PTPN4: variants seen among roughly 807,000 people sequenced by gnomAD.
PTPN4 encodes protein tyrosine phosphatase non-receptor type 4, also known as tyrosine-protein phosphatase non-receptor type 4.
Under a neutral mutation model 135.5 loss-of-function variants are expected in PTPN4, and 49 were observed. The observed-to-expected ratio is 0.36, with a 90% CI of 0.29 to 0.46. The LOEUF (loss-of-function observed/expected upper bound fraction) is 0.46, where lower values mean the gene tolerates loss of function less well. Ranked by LOEUF, PTPN4 falls within the 20% of genes least tolerant of loss-of-function variation. PTPN4 has a pLI of 1.00. For missense variants in PTPN4, 860 were observed against 1,101.0 expected (o/e 0.78, Z 3.10); for synonymous variants, 333 against 369.9 (o/e 0.90, Z 1.14).
intron 9 of PTPN4, among the ~76,000 whole-genome samples, chr2:119,895,612 G>C (rs769280874): frequency 1.2e-4 from 18 of 151,526 alleles, no homozygotes; most frequent in Middle Eastern, 3.4e-3. Context: ...GGACAAGAGC[G>C]AGACTCCATC....
rs537528513 is a variant in PTPN4, at chr2:119,934,915, C to T, written c.1312C>T (p.Pro438Ser). 6.2e-6 allele frequency: 10 copies of T among 1,613,892 alleles called. No individual in the cohort carries two copies. In the South Asian group the frequency reaches 9.9e-5, roughly 16 times the overall value. ...PSEVFVNQRSPSSTQANSIVL... is the reference protein window; with the variant it reads ...PSEVFVNQRSSSSTQANSIVL... ...CGAAGTGTTTGTAAATCAGAGATCT[C>T]CGTCATCAACACAAGCTAATAGCAT... is the stretch of plus-strand genomic sequence containing the variant. The change falls in exon 15 of 27, where the codon CCG (proline) becomes TCG (serine). Residue 438 changes from proline (P) to serine (S), a missense_variant. By Grantham distance (74) the Pro-to-Ser change is moderately conservative. Transcript: ENST00000263708.
chr2:119,915,417 G>A, intron 11 of PTPN4, 175 bp downstream of exon 11: 1 of 415,326 alleles, frequency 2.4e-6, no homozygotes, highest in Middle Eastern at 3.6e-4. Context: ...TTTCCAGTGT[G>A]TATGTGGTTC....
chr2:119,762,128 C>T (rs1051497038), intron 1 of PTPN4, among the ~76,000 whole-genome samples: 6 of 152,158 alleles, frequency 3.9e-5, no homozygotes, highest in Non-Finnish European at 7.4e-5. Context: ...CTTTCTGGGT[C>T]GGATGTACTT....
At chr2:119,897,688 A>G (rs980395453) in intron 9 of PTPN4, among the ~76,000 whole-genome samples, 1 of 152,170 alleles carries the variant, frequency 6.6e-6, no homozygotes. Context: ...TTCAAGCCAT[A>G]TAGCCACTGC....
intron 26 of PTPN4, among the ~76,000 whole-genome samples, chr2:119,971,721 A>G (rs1415266965): frequency 6.6e-6 from 1 of 152,186 alleles, no homozygotes; most frequent in Non-Finnish European, 1.5e-5. Context: ...TTTTGGTATC[A>G]TAGATGAGAA....
At chr2:119,847,783 G>A (rs1677527839) in intron 2 of PTPN4, among the ~76,000 whole-genome samples, 2 of 152,160 alleles carry the variant, frequency 1.3e-5, no homozygotes, top group African/African-American at 4.8e-5. Context: ...AATACTCTCA[G>A]TATTCATTTA....
intron 2 of PTPN4, among the ~76,000 whole-genome samples, chr2:119,839,979 AAGT>A (rs1677356416): frequency 6.6e-6 from 1 of 152,208 alleles, no homozygotes; most frequent in South Asian, 2.1e-4. Context: ...CTAATAGAAG[AAGT>A]AGGTTTCAAT....
intron 6 of PTPN4, 41 bp downstream of exon 6, chr2:119,881,871 C>G: frequency 7.2e-7 from 1 of 1,394,606 alleles, no homozygotes. Flanking sequence ...TTGTAATGGA[C>G]TTTAAAAATA....
At chr2:119,874,815 G>T (rs1677962263) in intron 3 of PTPN4, among the ~76,000 whole-genome samples, 1 of 152,068 alleles carries the variant, frequency 6.6e-6, no homozygotes, top group African/African-American at 2.4e-5. Context: ...GCTGAGTCTT[G>T]GCATATGCAT....
intron 10 of PTPN4, among the ~76,000 whole-genome samples, chr2:119,903,312 T>G (rs974101645): frequency 1.3e-5 from 2 of 152,046 alleles, no homozygotes; most frequent in African/African-American, 4.8e-5. Flanking sequence ...TGAGCACACC[T>G]TCCAGGGACA....
At chr2:119,961,032 T>C in intron 23 of PTPN4, 79 bp downstream of exon 23, 2 of 1,408,810 alleles carry the variant, frequency 1.4e-6, no homozygotes, top group Non-Finnish European at 1.9e-6. Flanking sequence ...AATATTCATA[T>C]TTATTTAAGC....
At chr2:119,920,379 C>G (rs1269245371) in intron 12 of PTPN4, 138 bp downstream of exon 12, 1 of 911,070 alleles carries the variant, frequency 1.1e-6, no homozygotes, top group South Asian at 2.0e-5. Flanking sequence ...ATTGCAGCCT[C>G]TATATCAGTA....
intron 1 of PTPN4, among the ~76,000 whole-genome samples, chr2:119,796,878 G>A (rs1030414880): frequency 2.6e-5 from 4 of 151,834 alleles, no homozygotes; most frequent in African/African-American, 7.3e-5. Flanking sequence ...GTGTGTGTGT[G>A]TGTGTGTGTG....
chr2:119,930,432 G>A (rs1678887907), intron 13 of PTPN4, among the ~76,000 whole-genome samples: 1 of 152,062 alleles, frequency 6.6e-6, no homozygotes, highest in Non-Finnish European at 1.5e-5. Context: ...CTAAAATATT[G>A]CCCTGAAAAT....
chr2:119,854,862 G>A (rs556773203), intron 2 of PTPN4, among the ~76,000 whole-genome samples: 159 of 152,192 alleles, frequency 1.0e-3, no homozygotes, highest in African/African-American at 3.6e-3. Flanking sequence ...GTACCTGTAT[G>A]TTTTCTTCTA....
At chr2:119,918,293 A>T (rs1015035321) in intron 11 of PTPN4, among the ~76,000 whole-genome samples, 1 of 152,232 alleles carries the variant, frequency 6.6e-6, no homozygotes, top group African/African-American at 2.4e-5. Context: ...GAATTTCTTT[A>T]ACCGGACATA....
At chr2:119,933,879 T>G (rs1249193460) in intron 14 of PTPN4, among the ~76,000 whole-genome samples, 2 of 152,194 alleles carry the variant, frequency 1.3e-5, no homozygotes, top group African/African-American at 4.8e-5. Flanking sequence ...TTATAAATGA[T>G]TACATATATT....
At chr2:119,793,874 T>TTTTTTTTTTTTTTTTTTTTTC (rs1691202089) in intron 1 of PTPN4, among the ~76,000 whole-genome samples, 1 of 104,370 alleles carries the variant, frequency 9.6e-6, no homozygotes, top group African/African-American at 3.5e-5. Context: ...TTTTTTTTTT[T>TTTTTTTTTTTTTTTTTTTTTC]TGGTGATAGT....
chr2:119,962,089 A>G (rs529095354), intron 23 of PTPN4, among the ~76,000 whole-genome samples: 10 of 152,310 alleles, frequency 6.6e-5, no homozygotes, highest in African/African-American at 2.4e-4. Context: ...AAATCTTAAG[A>G]TTTAATGAGG....
Sources: gnomAD v4.1 joint callset for allele counts (sites outside exome capture counted in the v4.1 genomes callset) on GRCh38, gnomAD v4.1.1 for gene constraint, MANE v1.5 for transcripts, NCBI Gene and HGNC (gene_info 2026-07-23, HGNC 2026-07-21) for gene names.